The following ST6GALNAC5 variants were observed in gnomAD, a reference collection of about 807,000 sequenced individuals.
ST6GALNAC5 encodes alpha-N-acetylgalactosaminide alpha-2,6-sialyltransferase 5.
Under a neutral mutation model 33.6 loss-of-function variants are expected in ST6GALNAC5, and 27 were observed. The ratio of observed to expected loss-of-function variants is 0.80; its 90% CI spans 0.59 to 1.11. ST6GALNAC5 has a LOEUF of 1.11. Ranked by LOEUF, ST6GALNAC5 falls within the 50% of genes least tolerant of loss-of-function variation. The pLI is 0.00. For synonymous variants in ST6GALNAC5, 194 were observed against 171.2 expected, an observed-to-expected ratio of 1.13 and a Z score of -1.04; for missense variants, 428 against 454.0, an observed-to-expected ratio of 0.94 and a Z score of 0.52.
chr1:76,873,499 G>A (rs751849403), intron 2 of ST6GALNAC5, among the ~76,000 whole-genome samples: 3 of 152,108 alleles, frequency 2.0e-5, no homozygotes, highest in Non-Finnish European at 4.4e-5. Flanking sequence ...AAGTATGTAT[G>A]GAAAGAAAGA....
At chr1:76,948,587 CAGAGAGAGAGAGAG>C (rs60959607) in intron 2 of ST6GALNAC5, among the ~76,000 whole-genome samples, 22 of 129,730 alleles carry the variant, frequency 1.7e-4, no homozygotes, top group African/African-American at 4.6e-4. Context: ...GGAGTGGGGA[CAGAGAGAGAGAGAG>C]AGAGAGAGAG....
At chr1:77,050,499 A>G in intron 4 of ST6GALNAC5, 134 bp downstream of exon 4, 1 of 735,224 alleles carries the variant, frequency 1.4e-6, no homozygotes, top group South Asian at 2.2e-5. Flanking sequence ...CCAAGTTCTC[A>G]TTCTAGAAAC....
chr1:76,898,002 G>C (rs572094527), intron 2 of ST6GALNAC5, among the ~76,000 whole-genome samples: 1 of 152,220 alleles, frequency 6.6e-6, no homozygotes, highest in Non-Finnish European at 1.5e-5. Context: ...GATGGTCTAC[G>C]GGGCTTCCGA....
intron 2 of ST6GALNAC5, among the ~76,000 whole-genome samples, chr1:76,938,103 CAGAGT>C (rs1187038847): frequency 2.0e-5 from 3 of 151,990 alleles, no homozygotes; most frequent in Non-Finnish European, 4.4e-5. Context: ...GAGATAATTT[CAGAGT>C]AGAGTTGTGA....
chr1:76,993,057 A>G (rs945232136), intron 2 of ST6GALNAC5, among the ~76,000 whole-genome samples: 31 of 152,064 alleles, frequency 2.0e-4, no homozygotes, highest in African/African-American at 7.2e-4. Context: ...TAGAACTTGG[A>G]TTCTTCAACC....
At chr1:76,953,629 T>G (rs1272922154) in intron 2 of ST6GALNAC5, among the ~76,000 whole-genome samples, 1 of 152,134 alleles carries the variant, frequency 6.6e-6, no homozygotes, top group Non-Finnish European at 1.5e-5. Flanking sequence ...GTAACTTGTC[T>G]TTTCATTCTC....
intron 2 of ST6GALNAC5, among the ~76,000 whole-genome samples, chr1:76,945,896 A>G (rs1269703895): frequency 6.6e-6 from 1 of 152,150 alleles, no homozygotes; most frequent in Non-Finnish European, 1.5e-5. Flanking sequence ...GTCACAGAAA[A>G]AAATAGCCTT....
At chr1:76,971,008 C>A (rs1648735466) in intron 2 of ST6GALNAC5, among the ~76,000 whole-genome samples, 1 of 151,952 alleles carries the variant, frequency 6.6e-6, no homozygotes, top group Non-Finnish European at 1.5e-5. Flanking sequence ...CTGTAAATGA[C>A]CTCAATTATG....
chr1:76,867,486 A>T lies in ST6GALNAC5; in HGVS notation c.-190A>T. 2.5e-6 allele frequency: 2 copies of T among 804,840 alleles called. No homozygotes were observed. Among genetic ancestry groups the T allele is most frequent in the Non-Finnish European group, 4.2e-6 (2 of 480,530 alleles). The allele number at this position is 804,840 out of a possible 1,614,324, so 49.9% of individuals were successfully genotyped here. ...GACTACGAGGGTCCGGTTCAGTTTTAATTCTGTCTCTAATCTCTGCAACAG... is the reference window on the plus strand; with the variant it reads ...GACTACGAGGGTCCGGTTCAGTTTTTATTCTGTCTCTAATCTCTGCAACAG... On this transcript the variant is annotated 5_prime_UTR_variant, in exon 1 of 5. Coordinates refer to ENST00000477717, the MANE Select transcript of ST6GALNAC5 (RefSeq NM_030965.3).
At chr1:76,872,377 G>C (rs1653531189) in intron 2 of ST6GALNAC5, among the ~76,000 whole-genome samples, 1 of 152,122 alleles carries the variant, frequency 6.6e-6, no homozygotes, top group South Asian at 2.1e-4. Flanking sequence ...GATCAATGGG[G>C]TCTACAGCTA....
At chr1:77,061,256 G>A (rs921952724) in intron 4 of ST6GALNAC5, among the ~76,000 whole-genome samples, 1 of 151,734 alleles carries the variant, frequency 6.6e-6, no homozygotes. Flanking sequence ...TTTAGATGCT[G>A]CATGACAAAA....
intron 2 of ST6GALNAC5, 110 bp from the exon 3 acceptor site, chr1:77,044,094 G>T: frequency 8.4e-7 from 1 of 1,186,008 alleles, no homozygotes. Context: ...ATGATGGGGA[G>T]GAGAGAAGAG....
intron 2 of ST6GALNAC5, among the ~76,000 whole-genome samples, chr1:77,022,664 C>CT (rs1488032051): frequency 6.6e-6 from 1 of 152,168 alleles, no homozygotes; most frequent in Admixed American, 6.5e-5. Context: ...TGCATTTTAA[C>CT]TTAAAAATTC....
chr1:77,022,107 C>A (rs1570106673), intron 2 of ST6GALNAC5, among the ~76,000 whole-genome samples: 1 of 152,176 alleles, frequency 6.6e-6, no homozygotes, highest in Non-Finnish European at 1.5e-5. Context: ...TTTCTCTCTT[C>A]TGCAGGAGAG....
At chr1:76,989,351 C>A (rs1426033462) in intron 2 of ST6GALNAC5, among the ~76,000 whole-genome samples, 1 of 151,862 alleles carries the variant, frequency 6.6e-6, no homozygotes, top group Non-Finnish European at 1.5e-5. Flanking sequence ...TCCTGCTATG[C>A]TACCATACTT....
At chr1:76,879,490 A>G (rs570125096) in intron 2 of ST6GALNAC5, among the ~76,000 whole-genome samples, 11 of 152,254 alleles carry the variant, frequency 7.2e-5, no homozygotes, top group African/African-American at 2.6e-4. Flanking sequence ...TCAAACAGTT[A>G]TTTTCAAGTG....
At chr1:76,995,403 A>G (rs17099802) in intron 2 of ST6GALNAC5, 8,207 of 152,352 alleles carry the variant, frequency 0.054, 397 homozygotes, top group African/African-American at 0.13. Context: ...GTCTCTTTAA[A>G]TATTAGGAAT....
At chr1:76,901,481 A>G (rs78613672) in intron 2 of ST6GALNAC5, among the ~76,000 whole-genome samples, 2,758 of 152,310 alleles carry the variant, frequency 0.018, 84 homozygotes, top group African/African-American at 0.062. Flanking sequence ...AGAGTCTACC[A>G]TAGTATCATT....
intron 2 of ST6GALNAC5, among the ~76,000 whole-genome samples, chr1:76,960,854 T>A (rs960008476): frequency 6.6e-6 from 1 of 152,186 alleles, no homozygotes; most frequent in African/African-American, 2.4e-5. Context: ...CTTTTTCAAG[T>A]TGCCCAGATT....
Sources: gnomAD v4.1 joint callset for allele counts (sites outside exome capture counted in the v4.1 genomes callset) on GRCh38, gnomAD v4.1.1 for gene constraint, MANE v1.5 for transcripts, NCBI Gene and HGNC (gene_info 2026-07-23, HGNC 2026-07-21) for gene names.